RIMS3: variants seen among roughly 807,000 people sequenced by gnomAD.
The protein encoded by RIMS3 is regulating synaptic membrane exocytosis 3, also known as regulating synaptic membrane exocytosis protein 3.
Under a neutral mutation model 29.2 loss-of-function variants are expected in RIMS3, and 15 were observed. The ratio of observed to expected loss-of-function variants is 0.51; its 90% CI spans 0.34 to 0.79. The LOEUF (loss-of-function observed/expected upper bound fraction) is 0.79, where lower values mean the gene tolerates loss of function less well. Among genes scored for constraint, RIMS3 ranks in the 30% least tolerant of loss-of-function variants. The pLI is 0.01. For synonymous variants in RIMS3, 161 were observed against 170.1 expected (o/e 0.95, Z 0.41); for missense variants, 342 against 421.4 (o/e 0.81, Z 1.65).
At chr1:40,662,347 G>A (rs529623805) in intron 1 of RIMS3, among the ~76,000 whole-genome samples, 6 of 152,096 alleles carry the variant, frequency 3.9e-5, no homozygotes, top group Non-Finnish European at 7.4e-5. Context: ...CAGCTAAGAT[G>A]TCGCCACCTC....
chr1:40,641,141 CT>C (rs1646553201), intron 3 of RIMS3, among the ~76,000 whole-genome samples: 1 of 152,106 alleles, frequency 6.6e-6, no homozygotes, highest in Admixed American at 6.6e-5. Context: ...GAGACTGAAT[CT>C]TTTTTGTTTT....
rs2148340751 is a variant in RIMS3, at chr1:40,623,722, C to G, written c.*2795G>C. On this transcript the variant is annotated 3_prime_UTR_variant, in exon 8 of 8. Coordinates refer to ENST00000372684, the MANE Select transcript of RIMS3 (RefSeq NM_014747.3). Reference sequence around the variant, plus strand: ...CCCCAGCAAACAACCAGGAGTTACACTTGTGCATTCTCCTCTTCTGGGACA... The same window carrying G: ...CCCCAGCAAACAACCAGGAGTTACAGTTGTGCATTCTCCTCTTCTGGGACA... 2.6e-6 allele frequency: 1 copy of G among 391,118 alleles called. No homozygotes were observed. 24.2% of individuals were successfully genotyped at this position (391,118 alleles called of 1,614,324 possible).
rs1646436393 is a variant in RIMS3 at position 40,623,743 on chromosome 1, G to C, written c.*2774C>G. On this transcript the variant is annotated 3_prime_UTR_variant, in exon 8 of 8. Transcript: ENST00000372684. Reference sequence around the variant, plus strand: ...TACACTTGTGCATTCTCCTCTTCTGGGACAGGCTAGGTCCAGAGTGGCTTT... The same window carrying C: ...TACACTTGTGCATTCTCCTCTTCTGCGACAGGCTAGGTCCAGAGTGGCTTT... The C allele has an allele frequency of 2.6e-6, 1 of 381,864 alleles. No homozygotes were observed. The highest frequency in any genetic ancestry group is 4.6e-6 in the Non-Finnish European group (1 of 218,064). The allele number at this position is 381,864 out of a possible 1,614,324, so 23.7% of individuals were successfully genotyped here.
upstream of RIMS3, chr1:40,665,726 C>CG (rs1372396419): frequency 2.0e-5 from 3 of 152,510 alleles, no homozygotes; most frequent in Non-Finnish European, 2.9e-5. Flanking sequence ...CGGGGCCTGC[C>CG]GGGGGCGGGG....
At chr1:40,678,436 T>C in the RIMS3 span, among the ~76,000 whole-genome samples, 632 of 152,058 alleles carry the variant, frequency 4.2e-3, 5 homozygotes, top group Non-Finnish European at 7.5e-3. Flanking sequence ...AGGAAGGTAA[T>C]AGTCTCTTTC....
chr1:40,676,394 C>T, the RIMS3 span, among the ~76,000 whole-genome samples: 4 of 152,170 alleles, frequency 2.6e-5, no homozygotes, highest in African/African-American at 4.8e-5. Flanking sequence ...CCCAAAATAG[C>T]GTGGTGGCTG....
chr1:40,668,462 G>A (rs1033743112), upstream of RIMS3, among the ~76,000 whole-genome samples: 1 of 122,034 alleles, frequency 8.2e-6, no homozygotes, highest in Non-Finnish European at 1.7e-5. Context: ...TCAGACAAAT[G>A]GGGGGCGGAG....
At chr1:40,656,501 A>G (rs942515590) in intron 1 of RIMS3, among the ~76,000 whole-genome samples, 1 of 152,124 alleles carries the variant, frequency 6.6e-6, no homozygotes, top group Non-Finnish European at 1.5e-5. Context: ...GACACATTAG[A>G]GGCCGGGCGC....
At chr1:40,660,181 C>G (rs925764343) in intron 1 of RIMS3, among the ~76,000 whole-genome samples, 1 of 152,018 alleles carries the variant, frequency 6.6e-6, no homozygotes, top group Middle Eastern at 3.4e-3. Context: ...GGAAGAGGGG[C>G]GTATCCAGGA....
intron 7 of RIMS3, among the ~76,000 whole-genome samples, chr1:40,627,752 C>A (rs1195407412): frequency 6.8e-6 from 1 of 147,216 alleles, no homozygotes; most frequent in African/African-American, 2.6e-5. Flanking sequence ...CTGGCACGTG[C>A]CACCATGACC....
the RIMS3 span, among the ~76,000 whole-genome samples, chr1:40,686,550 G>A: frequency 5.0e-3 from 757 of 152,210 alleles, 5 homozygotes; most frequent in African/African-American, 0.018. Flanking sequence ...CCACATACTC[G>A]GGAGGCTGCG....
chr1:40,646,538 G>A (rs548789674), intron 2 of RIMS3, among the ~76,000 whole-genome samples: 6 of 152,204 alleles, frequency 3.9e-5, no homozygotes, highest in Non-Finnish European at 7.4e-5. Flanking sequence ...GAAGGAAACC[G>A]TCCTATGATC....
chr1:40,677,566 C>T, the RIMS3 span, among the ~76,000 whole-genome samples: 1 of 151,842 alleles, frequency 6.6e-6, no homozygotes, highest in Non-Finnish European at 1.5e-5. Flanking sequence ...GGCATGGTGG[C>T]GGGCGCCCGT....
At chr1:40,628,981 G>A in intron 6 of RIMS3, 32 bp from the exon 7 acceptor site, 2 of 1,612,264 alleles carry the variant, frequency 1.2e-6, no homozygotes, top group Non-Finnish European at 1.7e-6. Flanking sequence ...GACAGGGAGG[G>A]GTCCAGGACA....
rs1316198023 is a variant in RIMS3 at position 40,622,920 on chromosome 1, T to C, written c.*3597A>G. On this transcript the variant is annotated 3_prime_UTR_variant, in exon 8 of 8. Coordinates refer to ENST00000372684, the MANE Select transcript of RIMS3 (RefSeq NM_014747.3). ...CTCCTGGTAACGTAGGCTAAGATTG[T>C]GCTACATTTCATTTCCAAAGAAGTA... 1 of 152,964 alleles carries C rather than the reference T, an allele frequency of 6.5e-6. No homozygotes were observed. Among genetic ancestry groups the C allele is most frequent in the African/African-American group, 2.4e-5 (1 of 41,464 alleles). The allele number at this position is 152,964 out of a possible 1,614,324, so 9.5% of individuals were successfully genotyped here.
intron 5 of RIMS3, among the ~76,000 whole-genome samples, chr1:40,631,492 G>A (rs773531434): frequency 1.3e-5 from 2 of 152,192 alleles, no homozygotes; most frequent in African/African-American, 2.4e-5. Flanking sequence ...GGGCAACATG[G>A]TGAAACCCCG....
the RIMS3 span, among the ~76,000 whole-genome samples, chr1:40,689,350 T>G: frequency 1.3e-5 from 2 of 152,134 alleles, no homozygotes; most frequent in African/African-American, 4.8e-5. Flanking sequence ...GGCGTGATAT[T>G]TGCTCACTGC....
At position 40,623,378 on chromosome 1, in the gene RIMS3, A is replaced by G; in HGVS notation, c.*3139T>C. 1 of 398,616 alleles carries G rather than the reference A, an allele frequency of 2.5e-6. No individual in the cohort carries two copies. The highest frequency in any genetic ancestry group is 4.4e-6 in the Non-Finnish European group (1 of 226,072). 24.7% of individuals were successfully genotyped at this position (398,616 alleles called of 1,614,324 possible). On this transcript the variant is annotated 3_prime_UTR_variant, in exon 8 of 8. Coordinates refer to ENST00000372684, the MANE Select transcript of RIMS3 (RefSeq NM_014747.3). ...GCAGGGAAAAGGAGTCTATGAAGAAAGTGGGACAGAATGAACAGAGCAGAA... is the reference window on the plus strand; with the variant it reads ...GCAGGGAAAAGGAGTCTATGAAGAAGGTGGGACAGAATGAACAGAGCAGAA...
chr1:40,683,305 G>T, the RIMS3 span, among the ~76,000 whole-genome samples: 2 of 152,190 alleles, frequency 1.3e-5, no homozygotes, highest in South Asian at 4.1e-4. Flanking sequence ...TTTTAACAAC[G>T]TTGAGAAGTG....
Sources: gnomAD v4.1 joint callset for allele counts (sites outside exome capture counted in the v4.1 genomes callset) on GRCh38, gnomAD v4.1.1 for gene constraint, MANE v1.5 for transcripts, NCBI Gene and HGNC (gene_info 2026-07-23, HGNC 2026-07-21) for gene names.